PTPRF: variants seen among roughly 807,000 people sequenced by gnomAD.
The protein encoded by PTPRF is protein tyrosine phosphatase receptor type F.
PTPRF carries 59 observed loss-of-function variants against 201.8 expected under a neutral mutation model. The ratio of observed to expected loss-of-function variants is 0.29; its 90% confidence interval spans 0.24 to 0.36. The LOEUF (loss-of-function observed/expected upper bound fraction) is 0.36. Among genes scored for constraint, PTPRF ranks in the 10% least tolerant of loss-of-function variants. The probability of loss-of-function intolerance (pLI) is 1.00; values close to 1 mark genes in which losing one functional copy is unlikely to be tolerated. For missense variants in PTPRF, 2,132 were observed against 2,690.5 expected, an observed-to-expected ratio of 0.79 and a Z score of 4.59; for synonymous variants, 1,088 against 1,089.7, an observed-to-expected ratio of 1.00 and a Z score of 0.03.
intron 5 of PTPRF, among the ~76,000 whole-genome samples, chr1:43,556,252 T>C (rs1368417849): frequency 6.6e-6 from 1 of 152,120 alleles, no homozygotes; most frequent in Non-Finnish European, 1.5e-5. Context: ...TGTTGTTGTT[T>C]GGTTTTGGGG....
Position 43,588,722 on chromosome 1 carries a change from C to T in PTPRF, c.680-9C>T, listed in dbSNP as rs955887140. ...CGGCCTGTGAGTGCCTCTCTCCCTC[C>T]TCCTGCAGTGCGCCGCGTGGCTCCT... On this transcript the variant is annotated splice_polypyrimidine_tract_variant and intron_variant, in intron 7 of 33. Transcript: ENST00000359947. The surrounding 1 kb of genome is among the most constrained non-coding windows in gnomAD (Gnocchi z 5.3). The T allele has an allele frequency of 1.1e-5, 17 of 1,612,208 alleles. No homozygotes were observed. Among genetic ancestry groups the T allele is most frequent in the African/African-American group, 2.7e-5 (2 of 74,878 alleles).
chr1:43,601,972 C>G, intron 13 of PTPRF, 99 bp from the exon 14 acceptor site: 2 of 1,442,850 alleles, frequency 1.4e-6, no homozygotes, highest in East Asian at 4.6e-5. Context: ...AAAGCCCTCC[C>G]TCTGTCCTCC....
intron 6 of PTPRF, among the ~76,000 whole-genome samples, chr1:43,575,533 G>A (rs933428715): frequency 3.3e-5 from 5 of 152,100 alleles, no homozygotes; most frequent in Admixed American, 6.5e-5. Flanking sequence ...CTTACCCACC[G>A]GTGGGATTTG....
Position 43,553,386 on chromosome 1 carries a change from G to C in PTPRF, c.92-106G>C, listed in dbSNP as rs1645153203. On this transcript the variant is annotated intron_variant, in intron 3 of 33. Transcript: ENST00000359947. This position sits in a 1 kb window ranked among gnomAD's most constrained non-coding sequence, Gnocchi z 4.1. ...CGCTACATAAAGGTGAGGTGTCCTT[G>C]TTTTCTTTGTAGGTCTTTCTCTCTG... The C allele has an allele frequency of 5.4e-6, 7 of 1,303,610 alleles. No individual in the cohort carries two copies. In the South Asian group the frequency reaches 7.0e-5, roughly 13 times the overall value. 80.8% of individuals were successfully genotyped at this position (1,303,610 alleles called of 1,614,324 possible).
At chr1:43,584,946 A>G (rs551618542) in intron 7 of PTPRF, among the ~76,000 whole-genome samples, 11 of 152,308 alleles carry the variant, frequency 7.2e-5, no homozygotes, top group African/African-American at 2.6e-4. Context: ...CCGCCCTATT[A>G]TAGGGGGTTG....
At chr1:43,583,715 A>T (rs16830952) in intron 7 of PTPRF, among the ~76,000 whole-genome samples, 16,567 of 151,972 alleles carry the variant, frequency 0.11, 1,099 homozygotes, top group African/African-American at 0.18. Context: ...CTTGGTGTCC[A>T]TGGCGCAGGG....
intron 13 of PTPRF, among the ~76,000 whole-genome samples, chr1:43,601,160 C>T (rs1324697964): frequency 6.6e-6 from 1 of 152,224 alleles, no homozygotes; most frequent in Non-Finnish European, 1.5e-5. Context: ...AGAGGCCAGA[C>T]CGGCACTGTG....
rs771183252 is a variant in PTPRF, at chr1:43,619,735, G to A, written c.4988G>A (p.Cys1663Tyr). Reference protein sequence around the residue: ...TSRFISANLPCNKFKNRLVNI... With the variant: ...TSRFISANLPYNKFKNRLVNI... ...CGCTTCATCAGCGCCAACCTGCCCT[G>A]CAACAAGTTCAAGAACCGGCTGGTG... Residue 1663 changes from cysteine (C) to tyrosine (Y), a missense_variant, in exon 29 of 34, where the codon TGC becomes TAC. Around this residue, in one of 6 missense-constraint regions of PTPRF, gnomAD observed 519 missense variants for 659.5 expected, o/e 0.79. Coordinates refer to ENST00000359947, the MANE Select transcript of PTPRF (RefSeq NM_002840.5). 9.3e-6 allele frequency: 15 copies of A among 1,614,118 alleles called. No homozygotes were observed. In the African/African-American group the frequency reaches 1.5e-4, roughly 16 times the overall value.
rs1428660813 is a variant in PTPRF, at chr1:43,603,798, G to A, written c.2646G>A (p.Leu882=). ...ACCAGCACTTCACAGTCACCGGCCT[G>A]CACAAGGGGACCACCTACATCTTCC... The part of the protein sequence containing the change: ...KDDQHFTVTG[L]HKGTTYIFRL... Residue 882 remains leucine, a synonymous_variant, in exon 16 of 34, where the codon CTG becomes CTA. Transcript: ENST00000359947. The surrounding 1 kb of genome is among the most constrained non-coding windows in gnomAD (Gnocchi z 5.8). The A allele has an allele frequency of 6.2e-7, 1 of 1,614,120 alleles. No individual in the cohort carries two copies. The highest frequency in any genetic ancestry group is 1.3e-5 in the African/African-American group (1 of 75,068).
At chr1:43,528,797 G>A (rs1643225731), upstream of PTPRF, 1 of 152,216 alleles carries the variant, frequency 6.6e-6, no homozygotes, top group Non-Finnish European at 1.5e-5. Flanking sequence ...GAGGCTCTTA[G>A]TTATATGGAT....
intron 6 of PTPRF, among the ~76,000 whole-genome samples, chr1:43,574,379 A>G (rs1646785610): frequency 6.6e-6 from 1 of 152,186 alleles, no homozygotes; most frequent in Non-Finnish European, 1.5e-5. Context: ...ATGCATTTTA[A>G]AATAATAAAA....
rs568755310 is a variant in PTPRF, at chr1:43,542,679, C to A, written c.-45-2352C>A. ...CTCTGCTAATGTATGGGGAGTTGCA[C>A]CCCTGTAATGTCCTTATCAGGCAGC... is the stretch of plus-strand genomic sequence containing the variant. On this transcript the variant is annotated intron_variant, in intron 2 of 33. Coordinates refer to ENST00000359947, the MANE Select transcript of PTPRF (RefSeq NM_002840.5). The surrounding 1 kb of genome is among the most constrained non-coding windows in gnomAD (Gnocchi z 5.2). 6.6e-6 allele frequency among the ~76,000 whole-genome samples: 1 copy of A among 152,096 alleles called. No individual in the cohort carries two copies. The highest frequency in any genetic ancestry group is 1.5e-5 in the Non-Finnish European group (1 of 68,014).
chr1:43,597,736 T>TTG lies in PTPRF; in HGVS notation c.1814-12_1814-11insTG. On this transcript the variant is annotated splice_polypyrimidine_tract_variant and intron_variant, in intron 11 of 33. Transcript: ENST00000359947. ...TCCATCTGCTTGCTTCCCCCCCATT[T>TTG]GTCTTCCCCAGCCCCCTCCGCCCCT... 6.9e-7 allele frequency: 1 copy of TTG among 1,449,216 alleles called. No individual in the cohort carries two copies. The highest frequency in any genetic ancestry group is 9.5e-7 in the Non-Finnish European group (1 of 1,054,950). 89.8% of individuals were successfully genotyped at this position (1,449,216 alleles called of 1,614,324 possible). A position where few individuals can be genotyped will look rare whatever the true frequency, so the allele number is the denominator to read the frequency against.
Position 43,602,095 on chromosome 1 carries a change from T to C in PTPRF, c.2338T>C (p.Tyr780His), listed in dbSNP as rs1276421514. The change falls in exon 14 of 34, where the codon TAT (tyrosine) becomes CAT (histidine). Residue 780 changes from tyrosine (Y) to histidine (H), a missense_variant and splice_region_variant. Tyr to His is a moderately conservative substitution (Grantham distance 83). This residue lies in a region of PTPRF where 818 missense variants were observed against 915.3 expected (regional missense o/e 0.89). Transcript: ENST00000359947. ...AQWRPEESED[Y>H]ETTISGLTPE... Reference sequence around the variant, plus strand: ...GTGGCGGCCAGAGGAGTCCGAGGACTATGTAAGTAACAGGTGTGCGAACGC... The same window carrying C: ...GTGGCGGCCAGAGGAGTCCGAGGACCATGTAAGTAACAGGTGTGCGAACGC... 1.9e-6 allele frequency: 3 copies of C among 1,613,262 alleles called. No homozygotes were observed. The highest frequency in any genetic ancestry group is 2.5e-6 in the Non-Finnish European group (3 of 1,179,306).
intron 5 of PTPRF, among the ~76,000 whole-genome samples, chr1:43,564,747 C>T (rs542253413): frequency 2.6e-5 from 4 of 152,212 alleles, no homozygotes; most frequent in African/African-American, 2.4e-5. Context: ...TGTGCGGGTG[C>T]GTGCCTGCGT....
chr1:43,560,937 G>C (rs904063267), intron 5 of PTPRF, among the ~76,000 whole-genome samples: 1 of 152,190 alleles, frequency 6.6e-6, no homozygotes, highest in African/African-American at 2.4e-5. Flanking sequence ...AGGGAATCCA[G>C]GTGTCTCGAT....
rs1054046982 is a variant in PTPRF, at chr1:43,554,283, G to A, written c.379+342G>A. On this transcript the variant is annotated intron_variant, in intron 5 of 33. Transcript: ENST00000359947. This position sits in a 1 kb window ranked among gnomAD's most constrained non-coding sequence, Gnocchi z 4.1. ...GGCTGTGGCTGTTTGGCAGTGAACCGGATTTCCATGTGGAGCCTGGCCGTA... is the reference window on the plus strand; with the variant it reads ...GGCTGTGGCTGTTTGGCAGTGAACCAGATTTCCATGTGGAGCCTGGCCGTA... 3.3e-5 allele frequency among the ~76,000 whole-genome samples: 5 copies of A among 152,128 alleles called. No homozygotes were observed. The highest frequency in any genetic ancestry group is 5.9e-5 in the Non-Finnish European group (4 of 68,024).
At chr1:43,561,014 G>GACC (rs1168152084) in intron 5 of PTPRF, among the ~76,000 whole-genome samples, 2 of 152,170 alleles carry the variant, frequency 1.3e-5, no homozygotes, top group Non-Finnish European at 2.9e-5. Flanking sequence ...ATGAAGTAGT[G>GACC]ACCAGGGTGG....
At position 43,592,582 on chromosome 1, in the gene PTPRF, G is replaced by T; in HGVS notation, c.1794G>T (p.Glu598Asp). The T allele has an allele frequency of 1.2e-6, 2 of 1,607,210 alleles. No homozygotes were observed. Among genetic ancestry groups the T allele is most frequent in the Non-Finnish European group, 1.7e-6 (2 of 1,177,322 alleles). ...TGGGCGTCTTCACCCCCACCATTGA[G>T]GCCCGCACAGCCCAGTCCAGTAAGT... ...MGVGVFTPTI[E>D]ARTAQSTPSA... The change falls in exon 11 of 34, where the codon GAG becomes GAT. Residue 598 changes from glutamate to aspartate, a missense_variant. Glu to Asp is a conservative substitution (Grantham distance 45, BLOSUM62 2). Coordinates refer to ENST00000359947, the MANE Select transcript of PTPRF (RefSeq NM_002840.5).
Sources: allele counts gnomAD v4.1 joint callset (sites outside exome capture counted in the v4.1 genomes callset), GRCh38; gene constraint gnomAD v4.1.1; regional missense constraint gnomAD v4.1.1; non-coding constraint Gnocchi (gnomAD v3.1); transcripts MANE v1.5; gene names NCBI Gene and HGNC (gene_info 2026-07-23, HGNC 2026-07-21).